The following ARMH3 variants were observed in gnomAD, a reference collection of about 807,000 sequenced individuals.
ARMH3 encodes armadillo-like helical domain-containing protein 3.
A neutral mutation model predicts 99.1 loss-of-function variants in ARMH3; 60 were observed. The observed-to-expected ratio is 0.61, with a 90% CI of 0.49 to 0.75. ARMH3 has a LOEUF of 0.75. ARMH3 is among the 30% of genes least tolerant of loss of function. The pLI is 0.00. For synonymous variants in ARMH3, 285 were observed against 292.8 expected, an observed-to-expected ratio of 0.97 and a Z score of 0.27; for missense variants, 679 against 843.1, an observed-to-expected ratio of 0.81 and a Z score of 2.41.
rs116853490 is a variant in ARMH3 at position 101,965,497 on chromosome 10, T to G, written c.1496-7765A>C. On this transcript the variant is annotated intron_variant, in intron 20 of 25. Coordinates refer to ENST00000370033, the MANE Select transcript of ARMH3 (RefSeq NM_024541.3). The stretch of plus-strand genomic sequence containing the variant: ...GCAATCTTCAAAATAATCACCAAAG[T>G]TCACCATCCAAACTAACAATGCACT... Among the ~76,000 whole-genome samples the G allele has an allele frequency of 2.0e-5, 3 of 152,320 alleles. No homozygotes were observed. In the East Asian group the frequency reaches 5.8e-4, roughly 29 times the overall value.
chr10:102,037,788 T>C (rs1025123885), intron 2 of ARMH3, among the ~76,000 whole-genome samples: 3 of 152,074 alleles, frequency 2.0e-5, no homozygotes, highest in East Asian at 3.9e-4. Flanking sequence ...GGAGTCTCGA[T>C]ATGTTGCCCG....
In ARMH3 at chr10:101,857,094, C is replaced by T. The variant is rs77961600; in HGVS notation, c.1861-7202G>A. Among the ~76,000 whole-genome samples the T allele has an allele frequency of 2.8e-3, 423 of 152,248 alleles. 1 individual carries two copies. The highest frequency in any genetic ancestry group is 5.0e-3 in the Non-Finnish European group (337 of 68,026). On this transcript the variant is annotated intron_variant, in intron 24 of 25. Coordinates refer to ENST00000370033, the MANE Select transcript of ARMH3 (RefSeq NM_024541.3). Reference sequence around the variant, plus strand: ...TAATCAGGTTTGCTCCCCACACTACCTTTCTAAGCTGTTCACTGTTCTGAC... The same window carrying T: ...TAATCAGGTTTGCTCCCCACACTACTTTTCTAAGCTGTTCACTGTTCTGAC...
chr10:101,968,157 C>T (rs1255934044), intron 20 of ARMH3, among the ~76,000 whole-genome samples: 1 of 152,082 alleles, frequency 6.6e-6, no homozygotes, highest in East Asian at 1.9e-4. Context: ...TGAGTTTCCA[C>T]ATGAAAGTTC....
Position 101,935,174 on chromosome 10 carries a change from A to AATATAT in ARMH3, c.1781+4683_1781+4688dup, listed in dbSNP as rs5787448. On this transcript the variant is annotated intron_variant, in intron 23 of 25. Coordinates refer to ENST00000370033, the MANE Select transcript of ARMH3 (RefSeq NM_024541.3). ...AGAAGCGGAATCTCAAAGGTGGAGC[A>AATATAT]ATATATATATATATATATATATATA... Among the ~76,000 whole-genome samples, 146 of 117,148 alleles carry AATATAT rather than the reference A, an allele frequency of 1.2e-3. 4 individuals carry two copies. Among genetic ancestry groups the AATATAT allele is most frequent in the African/African-American group, 3.8e-3 (119 of 31,424 alleles). The allele number at this position is 117,148 out of a possible 152,430, so 76.9% of individuals were successfully genotyped here.
chr10:102,024,820 A>G (rs538820507), intron 6 of ARMH3, among the ~76,000 whole-genome samples: 14 of 146,876 alleles, frequency 9.5e-5, no homozygotes, highest in African/African-American at 3.2e-4. Context: ...CTCTGTCTCA[A>G]AAAAAAAAAA....
chr10:102,043,285 A>G (rs187469532), intron 1 of ARMH3, among the ~76,000 whole-genome samples: 1 of 152,274 alleles, frequency 6.6e-6, no homozygotes, highest in African/African-American at 2.4e-5. Context: ...CTCCCAACCA[A>G]CTCGGTGACA....
intron 1 of ARMH3, among the ~76,000 whole-genome samples, chr10:102,046,122 C>G (rs551928295): frequency 6.6e-6 from 1 of 151,630 alleles, no homozygotes; most frequent in South Asian, 2.1e-4. Flanking sequence ...AAATAACAAC[C>G]AGAGTCTATT....
chr10:101,854,474 C>T (rs2066684653), intron 24 of ARMH3, among the ~76,000 whole-genome samples: 1 of 152,146 alleles, frequency 6.6e-6, no homozygotes, highest in South Asian at 2.1e-4. Flanking sequence ...AGTGATTCTT[C>T]ACCACAAAGG....
At chr10:101,912,817 T>C (rs1356745348) in intron 23 of ARMH3, among the ~76,000 whole-genome samples, 1 of 152,170 alleles carries the variant, frequency 6.6e-6, no homozygotes, top group African/African-American at 2.4e-5. Context: ...ATGCCCTTTA[T>C]CATACAGAGG....
intron 20 of ARMH3, among the ~76,000 whole-genome samples, chr10:101,963,584 G>A (rs925472042): frequency 1.3e-5 from 2 of 151,920 alleles, no homozygotes; most frequent in African/African-American, 4.8e-5. Flanking sequence ...TTACTTATTT[G>A]TTTTTATTTT....
intron 23 of ARMH3, among the ~76,000 whole-genome samples, chr10:101,930,377 C>G (rs1165093539): frequency 6.6e-6 from 1 of 151,738 alleles, no homozygotes; most frequent in African/African-American, 2.4e-5. Flanking sequence ...AATTAAAATA[C>G]AAGAAAGAAA....
At chr10:101,896,741 G>A (rs1361004023) in intron 23 of ARMH3, among the ~76,000 whole-genome samples, 1 of 152,128 alleles carries the variant, frequency 6.6e-6, no homozygotes, top group Non-Finnish European at 1.5e-5. Flanking sequence ...GTAGGAAAAG[G>A]AGCTCACTGG....
intron 13 of ARMH3, among the ~76,000 whole-genome samples, chr10:102,006,902 C>A (rs1318801738): frequency 6.6e-6 from 1 of 151,932 alleles, no homozygotes; most frequent in Non-Finnish European, 1.5e-5. Flanking sequence ...CACAGTGGAT[C>A]ACACCCATAA....
chr10:101,858,726 C>G (rs563547472), intron 24 of ARMH3, among the ~76,000 whole-genome samples: 4 of 152,296 alleles, frequency 2.6e-5, no homozygotes, highest in Admixed American at 1.3e-4. Flanking sequence ...TGGACGCAGG[C>G]AGAGTGGCAG....
intron 9 of ARMH3, 78 bp downstream of exon 9, chr10:102,013,890 T>C: frequency 8.1e-7 from 1 of 1,240,088 alleles, no homozygotes; most frequent in Non-Finnish European, 1.1e-6. Context: ...CTGCTCTCTG[T>C]TCTAAATGTA....
intron 16 of ARMH3, among the ~76,000 whole-genome samples, chr10:101,994,553 C>A (rs1846967008): frequency 6.6e-6 from 1 of 152,206 alleles, no homozygotes. Flanking sequence ...CACCAAGATA[C>A]ATGGTGAGTT....
At chr10:101,938,637 A>G (rs1284641272) in intron 23 of ARMH3, among the ~76,000 whole-genome samples, 5 of 152,192 alleles carry the variant, frequency 3.3e-5, no homozygotes, top group African/African-American at 1.2e-4. Flanking sequence ...AAACACCCAC[A>G]TTTGTCATGC....
At chr10:102,013,842 C>A in intron 9 of ARMH3, 126 bp downstream of exon 9, 1 of 744,624 alleles carries the variant, frequency 1.3e-6, no homozygotes, top group South Asian at 2.1e-5. Flanking sequence ...AATATTAATT[C>A]CCTCTCTATA....
chr10:101,890,872 A>T (rs868679806), intron 23 of ARMH3, among the ~76,000 whole-genome samples: 379 of 130,912 alleles, frequency 2.9e-3, no homozygotes, highest in African/African-American at 9.8e-3. Context: ...CCTGACTGGT[A>T]TTTTTTTTTT....
Sources: allele counts gnomAD v4.1 joint callset (sites outside exome capture counted in the v4.1 genomes callset), GRCh38; gene constraint gnomAD v4.1.1; transcripts MANE v1.5; gene names NCBI Gene and HGNC (gene_info 2026-07-23, HGNC 2026-07-21).